The following CSMD1 variants were observed in gnomAD, a reference collection of about 807,000 sequenced individuals.
CSMD1 encodes the protein CUB and sushi domain-containing protein 1.
In CSMD1, 213 loss-of-function variants were observed where a neutral mutation model predicts 417.5. That is an observed-to-expected ratio of 0.51 (90% CI 0.46 to 0.57). The LOEUF (loss-of-function observed/expected upper bound fraction) is 0.57. Ranked by LOEUF, CSMD1 falls within the 20% of genes least tolerant of loss-of-function variation. The probability of loss-of-function intolerance (pLI) is 0.00; values close to 1 mark genes in which losing one functional copy is unlikely to be tolerated. For missense variants in CSMD1, 6,923 were observed against 4,529.7 expected (o/e 1.53, Z -15.17); for synonymous variants, 2,862 against 1,736.8 (o/e 1.65, Z -16.11).
intron 3 of CSMD1, among the ~76,000 whole-genome samples, chr8:4,227,094 G>A (rs953857228): frequency 6.6e-6 from 1 of 152,152 alleles, no homozygotes; most frequent in Non-Finnish European, 1.5e-5. Context: ...GCATGCCTGA[G>A]GTCTTTTCTG....
At chr8:4,742,715 T>G (rs1422724135) in intron 1 of CSMD1, among the ~76,000 whole-genome samples, 3 of 152,106 alleles carry the variant, frequency 2.0e-5, no homozygotes, top group South Asian at 4.1e-4. Context: ...AAGATGCAAA[T>G]GTGAAAATGG....
intron 12 of CSMD1, among the ~76,000 whole-genome samples, chr8:3,429,594 G>C (rs944638708): frequency 6.6e-6 from 1 of 152,134 alleles, no homozygotes; most frequent in African/African-American, 2.4e-5. Context: ...GGTCAACAAT[G>C]TTCAATATCT....
chr8:4,500,148 C>T (rs79988920), intron 2 of CSMD1, among the ~76,000 whole-genome samples: 5 of 133,022 alleles, frequency 3.8e-5, no homozygotes, highest in African/African-American at 1.4e-4. Flanking sequence ...AGAAGTTATA[C>T]GAGGTGAAAA....
intron 1 of CSMD1, among the ~76,000 whole-genome samples, chr8:4,935,829 G>C (rs1036272734): frequency 6.6e-6 from 1 of 152,218 alleles, no homozygotes; most frequent in Non-Finnish European, 1.5e-5. Context: ...TCGGCCTGCT[G>C]TTTACCAAAA....
At chr8:4,300,943 A>T (rs976437254) in intron 3 of CSMD1, among the ~76,000 whole-genome samples, 1 of 152,192 alleles carries the variant, frequency 6.6e-6, no homozygotes, top group Non-Finnish European at 1.5e-5. Context: ...GTTGTTGGAC[A>T]TTTAGGTTGG....
chr8:3,466,455 G>T (rs1816794881), intron 12 of CSMD1, among the ~76,000 whole-genome samples: 1 of 151,756 alleles, frequency 6.6e-6, no homozygotes, highest in Non-Finnish European at 1.5e-5. Context: ...TGTTGCCTAG[G>T]CTGGAGTGCA....
intron 59 of CSMD1, among the ~76,000 whole-genome samples, chr8:2,963,689 T>C (rs1563185773): frequency 6.6e-6 from 1 of 152,230 alleles, no homozygotes; most frequent in African/African-American, 2.4e-5. Context: ...AGAAACGTTC[T>C]TGCTTAATTT....
chr8:4,178,967 A>C (rs1320424733), intron 3 of CSMD1, among the ~76,000 whole-genome samples: 2 of 152,204 alleles, frequency 1.3e-5, no homozygotes, highest in Admixed American at 1.3e-4. Flanking sequence ...GCTCATGGGT[A>C]GGAAGAATCA....
intron 3 of CSMD1, among the ~76,000 whole-genome samples, chr8:4,207,271 A>T (rs1441289214): frequency 2.0e-5 from 3 of 152,180 alleles, no homozygotes. Flanking sequence ...ACAGAATGAA[A>T]CTGTACAATT....
At chr8:4,365,982 A>T (rs894177507) in intron 3 of CSMD1, among the ~76,000 whole-genome samples, 9 of 151,902 alleles carry the variant, frequency 5.9e-5, no homozygotes, top group African/African-American at 2.2e-4. Flanking sequence ...GTTCATGGGG[A>T]AACTGTGTGT....
intron 5 of CSMD1, among the ~76,000 whole-genome samples, chr8:3,980,377 G>T (rs964586157): frequency 6.6e-6 from 1 of 151,954 alleles, no homozygotes; most frequent in Non-Finnish European, 1.5e-5. Flanking sequence ...GGTATTTTAA[G>T]TGTTGACCTA....
In CSMD1 at chr8:3,142,469, G is replaced by C; in HGVS notation, c.6237C>G (p.Tyr2079Ter). The C allele has an allele frequency of 6.2e-7, 1 of 1,612,698 alleles. No individual in the cohort carries two copies. Among genetic ancestry groups the C allele is most frequent in the Non-Finnish European group, 8.5e-7 (1 of 1,179,130 alleles). Residue 2079 changes from tyrosine (Y) to a stop codon, truncating the protein, a stop_gained, in exon 41 of 70, where the codon TAC becomes TAG. Coordinates refer to ENST00000635120, the MANE Select transcript of CSMD1 (RefSeq NM_033225.6). LOFTEE classifies it high-confidence loss of function. ...SQNRQGFKLA[Y>*]QAYELQNCPD... ...GTTCTCGTTGTTGTTCCATACCTTG[G>C]TAAGCAAGTTTAAATCCTTGCCGGT...
chr8:4,679,866 C>G (rs1170142298), intron 1 of CSMD1, among the ~76,000 whole-genome samples: 1 of 151,942 alleles, frequency 6.6e-6, no homozygotes. Flanking sequence ...ATATACAATG[C>G]ATAATAAATG....
chr8:4,680,975 T>TGTGTGTGTGTGTGTGTGA (rs767579851), intron 1 of CSMD1, among the ~76,000 whole-genome samples: 4 of 136,682 alleles, frequency 2.9e-5, no homozygotes, highest in East Asian at 4.4e-4. Context: ...TGTGTGTGTG[T>TGTGTGTGTGTGTGTGTGA]GAGAGAGAGA....
intron 25 of CSMD1, among the ~76,000 whole-genome samples, chr8:3,304,207 G>C (rs1228328629): frequency 1.3e-5 from 2 of 152,030 alleles, no homozygotes; most frequent in South Asian, 2.1e-4. Flanking sequence ...ATATTTTAAA[G>C]AGCTAAATTA....
intron 6 of CSMD1, among the ~76,000 whole-genome samples, chr8:3,737,819 G>A (rs1004600844): frequency 1.3e-5 from 2 of 152,214 alleles, no homozygotes; most frequent in South Asian, 4.1e-4. Context: ...CAAGATGGTA[G>A]TATTTAAAAC....
At chr8:4,216,744 C>T (rs1359503856) in intron 3 of CSMD1, among the ~76,000 whole-genome samples, 2 of 152,234 alleles carry the variant, frequency 1.3e-5, no homozygotes, top group East Asian at 3.9e-4. Context: ...TGTTTTAAGA[C>T]CTTTAAAATT....
intron 10 of CSMD1, among the ~76,000 whole-genome samples, chr8:3,566,976 A>G (rs768288013): frequency 2.2e-4 from 34 of 152,246 alleles, no homozygotes; most frequent in Admixed American, 4.6e-4. Flanking sequence ...ACATGCAGGT[A>G]TAAGTTCATT....
At chr8:4,441,060 C>G (rs1030952472) in intron 2 of CSMD1, among the ~76,000 whole-genome samples, 2 of 121,210 alleles carry the variant, frequency 1.7e-5, no homozygotes, top group African/African-American at 3.0e-5. Context: ...AAAATATAAA[C>G]TTTTTTCCTA....
Sources: allele counts gnomAD v4.1 joint callset (sites outside exome capture counted in the v4.1 genomes callset), GRCh38; gene constraint gnomAD v4.1.1; transcripts MANE v1.5; gene names NCBI Gene and HGNC (gene_info 2026-07-23, HGNC 2026-07-21).